Variants in NTM observed in about 807,000 individuals in gnomAD.
NTM encodes the protein IgLON family member 2.
In NTM, 13 loss-of-function variants were observed where a neutral mutation model predicts 42.1. That is an observed-to-expected ratio of 0.31 (90% confidence interval 0.20 to 0.49). The LOEUF (loss-of-function observed/expected upper bound fraction) is 0.49, where lower values mean the gene tolerates loss of function less well. Ranked by LOEUF, NTM falls within the 20% of genes least tolerant of loss-of-function variation. The pLI, the probability that NTM is intolerant of heterozygous loss-of-function variation, is 0.99. For synonymous variants in NTM, 187 were observed against 179.2 expected (o/e 1.04, Z -0.35); for missense variants, 373 against 452.8 (o/e 0.82, Z 1.60).
chr11:131,976,134 T>TCCTA (rs2064325595), intron 2 of NTM, among the ~76,000 whole-genome samples: 1 of 145,888 alleles, frequency 6.9e-6, no homozygotes, highest in African/African-American at 2.5e-5. Flanking sequence ...CTTCCTTCCT[T>TCCTA]CCTTCCTTCC....
chr11:131,584,878 T>A (rs968177652), intron 1 of NTM, among the ~76,000 whole-genome samples: 1 of 152,084 alleles, frequency 6.6e-6, no homozygotes, highest in Non-Finnish European at 1.5e-5. Flanking sequence ...CCTCCCCCTC[T>A]CAGTGCTGCA....
intron 2 of NTM, among the ~76,000 whole-genome samples, chr11:132,144,512 A>G (rs2069905711): frequency 6.6e-6 from 1 of 152,208 alleles, no homozygotes; most frequent in Non-Finnish European, 1.5e-5. Flanking sequence ...GGCCCCATAA[A>G]TGATATAAGT....
At position 131,978,288 on chromosome 11, in the gene NTM, T is replaced by C. The variant is rs182324219; in HGVS notation, c.167+66640T>C. Among the ~76,000 whole-genome samples the C allele has an allele frequency of 9.8e-5, 15 of 152,302 alleles. No homozygotes were observed. The East Asian group carries it at 1.7e-3, about 18-fold the overall frequency. ...ATTTAGAGAACTTATGAAAGCTAAT[T>C]TTATGCATGTTTTATTTTATTACAT... On this transcript the variant is annotated intron_variant, in intron 2 of 8. Transcript: ENST00000683400.
At chr11:131,901,943 G>A (rs937491329) in intron 1 of NTM, among the ~76,000 whole-genome samples, 1 of 152,204 alleles carries the variant, frequency 6.6e-6, no homozygotes, top group African/African-American at 2.4e-5. Context: ...GCATACCAAA[G>A]CTTTAGGGAA....
At chr11:131,942,014 G>T (rs1489468597) in intron 2 of NTM, among the ~76,000 whole-genome samples, 1 of 151,960 alleles carries the variant, frequency 6.6e-6, no homozygotes, top group Non-Finnish European at 1.5e-5. Context: ...CCCTTCTGGA[G>T]ATATTTATTG....
chr11:132,012,232 A>C (rs1359207082), intron 2 of NTM, among the ~76,000 whole-genome samples: 1 of 152,234 alleles, frequency 6.6e-6, no homozygotes, highest in African/African-American at 2.4e-5. Flanking sequence ...TATATAATTC[A>C]GTGTTAAATT....
In NTM at chr11:131,794,545, C is replaced by A. The variant is rs916316525; in HGVS notation, c.83-117019C>A. The A allele has an allele frequency of 5.1e-6, 5 of 984,978 alleles. No homozygotes were observed. The African/African-American group carries it at 8.7e-5, about 17-fold the overall frequency. 61.0% of individuals were successfully genotyped at this position (984,978 alleles called of 1,614,324 possible). On this transcript the variant is annotated intron_variant, in intron 1 of 8. Transcript: ENST00000683400. Reference sequence around the variant, plus strand: ...AATTTTACTCCTTGCTGCTTTTTACCTATTCATTCACTGAGTTCTACAAGT... The same window carrying A: ...AATTTTACTCCTTGCTGCTTTTTACATATTCATTCACTGAGTTCTACAAGT...
intron 1 of NTM, chr11:131,660,385 T>G (rs1592408340): frequency 1.2e-5 from 5 of 420,734 alleles, no homozygotes; most frequent in African/African-American, 4.3e-5. Flanking sequence ...GCGGAGGGGG[T>G]GAGGGTGAGG....
intron 1 of NTM, among the ~76,000 whole-genome samples, chr11:131,680,529 G>A (rs3966903): frequency 4.0e-5 from 5 of 124,738 alleles, no homozygotes; most frequent in Middle Eastern, 4.9e-3. Flanking sequence ...GATCATGGCT[G>A]TGTCTGTGTC....
At chr11:131,506,142 T>C (rs2136415418) in intron 1 of NTM, among the ~76,000 whole-genome samples, 1 of 152,292 alleles carries the variant, frequency 6.6e-6, no homozygotes, top group African/African-American at 2.4e-5. Flanking sequence ...TGACTCATTC[T>C]CAAGCATAGA....
chr11:131,755,983 T>A (rs1565507329), intron 1 of NTM, among the ~76,000 whole-genome samples: 1 of 152,244 alleles, frequency 6.6e-6, no homozygotes, highest in Non-Finnish European at 1.5e-5. Flanking sequence ...CCAGGAGATA[T>A]CACTGTCCTA....
At chr11:132,005,666 C>A (rs956264176) in intron 2 of NTM, among the ~76,000 whole-genome samples, 1 of 152,088 alleles carries the variant, frequency 6.6e-6, no homozygotes. Flanking sequence ...TCCTACCATC[C>A]AACATGCTAA....
chr11:131,817,832 C>T (rs1382359493), intron 1 of NTM, among the ~76,000 whole-genome samples: 1 of 152,246 alleles, frequency 6.6e-6, no homozygotes, highest in African/African-American at 2.4e-5. Context: ...TCATCGCAGC[C>T]CCTGTGTACC....
chr11:132,137,618 G>T (rs924591455), intron 2 of NTM, among the ~76,000 whole-genome samples: 1 of 152,178 alleles, frequency 6.6e-6, no homozygotes, highest in Non-Finnish European at 1.5e-5. Context: ...TGCAGCCAAG[G>T]TGTAGGAAAA....
At chr11:131,567,982 T>C (rs1231629842) in intron 1 of NTM, among the ~76,000 whole-genome samples, 1 of 152,184 alleles carries the variant, frequency 6.6e-6, no homozygotes, top group African/African-American at 2.4e-5. Context: ...ATGGCATCCT[T>C]ATTATTACTA....
At chr11:131,792,327 T>G (rs1377306838) in intron 1 of NTM, among the ~76,000 whole-genome samples, 2 of 152,150 alleles carry the variant, frequency 1.3e-5, no homozygotes, top group Non-Finnish European at 2.9e-5. Flanking sequence ...TGGAGTAAGT[T>G]TGGGTGGAGA....
At chr11:131,886,066 C>T (rs2050340151) in intron 1 of NTM, among the ~76,000 whole-genome samples, 1 of 152,182 alleles carries the variant, frequency 6.6e-6, no homozygotes, top group South Asian at 2.1e-4. Context: ...CTCTTCCCCA[C>T]CAGCCCTGCC....
chr11:132,247,175 G>T (rs534969012), intron 4 of NTM, among the ~76,000 whole-genome samples: 1 of 152,158 alleles, frequency 6.6e-6, no homozygotes, highest in Non-Finnish European at 1.5e-5. Flanking sequence ...ATCATTGATC[G>T]CCCTGTGGTT....
At position 131,911,102 on chromosome 11, in the gene NTM, G is replaced by A. The variant is rs964202186; in HGVS notation, c.83-462G>A. On this transcript the variant is annotated intron_variant, in intron 1 of 8. Transcript: ENST00000683400. ...CACCCCGTCCCCTTCTGGTACCAAA[G>A]TGCTTACTCCTCTCCAAAGTGCCGT... 1.8e-5 allele frequency: 21 copies of A among 1,164,164 alleles called. No individual in the cohort carries two copies. In the Admixed American group the frequency reaches 7.6e-4, roughly 42 times the overall value. 72.1% of individuals were successfully genotyped at this position (1,164,164 alleles called of 1,614,324 possible). A position where few individuals can be genotyped will look rare whatever the true frequency, so the allele number is the denominator to read the frequency against.
Sources: allele counts gnomAD v4.1 joint callset (sites outside exome capture counted in the v4.1 genomes callset), GRCh38; gene constraint gnomAD v4.1.1; transcripts MANE v1.5; gene names NCBI Gene and HGNC (gene_info 2026-07-23, HGNC 2026-07-21).